Variants in ATL1 observed in about 807,000 individuals in gnomAD.
The protein encoded by ATL1 is atlastin-1.
In ATL1, 31 loss-of-function variants were observed where a neutral mutation model predicts 75.5. The observed-to-expected ratio is 0.41, with a 90% CI of 0.31 to 0.55. ATL1 has a LOEUF of 0.55. Among genes scored for constraint, ATL1 ranks in the 20% least tolerant of loss-of-function variants. ATL1 has a pLI of 0.27. For missense variants in ATL1, 405 were observed against 662.6 expected, an observed-to-expected ratio of 0.61 and a Z score of 4.27; for synonymous variants, 226 against 233.3, an observed-to-expected ratio of 0.97 and a Z score of 0.28.
intron 6 of ATL1, among the ~76,000 whole-genome samples, chr14:50,601,269 C>CTTTAAA (rs2039269528): frequency 6.6e-6 from 1 of 151,956 alleles, no homozygotes; most frequent in East Asian, 1.9e-4. Context: ...AACATATTAA[C>CTTTAAA]TTGATTCTTT....
intron 7 of ATL1, among the ~76,000 whole-genome samples, 153 bp from the exon 8 acceptor site, chr14:50,614,220 C>T (rs577600870): frequency 3.9e-5 from 6 of 152,292 alleles, no homozygotes; most frequent in African/African-American, 1.4e-4. Context: ...TGGGCAAACC[C>T]ACCCAAGACT....
chr14:50,602,758 A>G (rs1051307440), intron 6 of ATL1, among the ~76,000 whole-genome samples: 2 of 152,066 alleles, frequency 1.3e-5, no homozygotes, highest in African/African-American at 2.4e-5. Context: ...GTAGTTGGGA[A>G]TTTTAGCAGG....
rs1273620515 is a variant in ATL1 at position 50,574,992 on chromosome 14, A to G, written c.35-12839A>G. ...ATATATATATTAGCTTTTACTAGTT[A>G]TGATAGCCAAAAAGACTATCTCTTT... On this transcript the variant is annotated intron_variant, in intron 1 of 13. Transcript: ENST00000358385. Among the ~76,000 whole-genome samples the G allele has an allele frequency of 6.6e-5, 8 of 122,062 alleles. No individual in the cohort carries two copies. In the Admixed American group the frequency reaches 7.0e-4, roughly 11 times the overall value. 80.1% of individuals were successfully genotyped at this position (122,062 alleles called of 152,430 possible).
At chr14:50,553,164 T>C (rs1175688538) in intron 1 of ATL1, among the ~76,000 whole-genome samples, 1 of 151,118 alleles carries the variant, frequency 6.6e-6, no homozygotes, top group Admixed American at 6.6e-5. Context: ...TGCATGGTGG[T>C]GTGTGCCTGT....
At chr14:50,547,177 CAGTT>C (rs2038644544) in intron 1 of ATL1, among the ~76,000 whole-genome samples, 4 of 152,156 alleles carry the variant, frequency 2.6e-5, no homozygotes, top group Admixed American at 2.6e-4. Context: ...TCTAATATCT[CAGTT>C]CTCATGAGTC....
chr14:50,600,103 A>T (rs540040007), intron 6 of ATL1, among the ~76,000 whole-genome samples: 1 of 151,748 alleles, frequency 6.6e-6, no homozygotes, highest in Non-Finnish European at 1.5e-5. Flanking sequence ...AGAGTAGGGA[A>T]CTCCATTGTA....
In ATL1 at chr14:50,614,528, G is replaced by T. The variant is rs750572334; in HGVS notation, c.862+17G>T. On this transcript the variant is annotated intron_variant, in intron 8 of 13. Coordinates refer to ENST00000358385, the MANE Select transcript of ATL1 (RefSeq NM_015915.5). ...AATTGAAAGGTTTGTGTCTTTTAATGAATATGTTTGCATCACTTAGTCTGA... is the reference window on the plus strand; with the variant it reads ...AATTGAAAGGTTTGTGTCTTTTAATTAATATGTTTGCATCACTTAGTCTGA... 2.5e-6 allele frequency: 4 copies of T among 1,612,348 alleles called. No individual in the cohort carries two copies. In the Admixed American group the frequency reaches 5.0e-5, roughly 20 times the overall value.
At chr14:50,572,943 G>A (rs1415298333) in intron 1 of ATL1, among the ~76,000 whole-genome samples, 1 of 152,156 alleles carries the variant, frequency 6.6e-6, no homozygotes, top group Middle Eastern at 3.4e-3. Context: ...TACAATCATG[G>A]CATAAGGGGA....
At chr14:50,566,367 T>C (rs1040594662) in intron 1 of ATL1, among the ~76,000 whole-genome samples, 2 of 152,140 alleles carry the variant, frequency 1.3e-5, no homozygotes, top group African/African-American at 4.8e-5. Context: ...ATTCTCTTGA[T>C]AATTTTTACA....
At chr14:50,533,313 G>C (rs2038445839) in exon 1 of ATL1, 1 of 151,954 alleles carries the variant, frequency 6.6e-6, no homozygotes, top group African/African-American at 2.4e-5. Context: ...TGTGCTCTGG[G>C]ACAAAACAGC....
chr14:50,582,882 A>G (rs2039069983), intron 1 of ATL1, among the ~76,000 whole-genome samples: 1 of 152,198 alleles, frequency 6.6e-6, no homozygotes, highest in South Asian at 2.1e-4. Context: ...CTATACCCTG[A>G]GACTATTAGG....
chr14:50,560,582 A>G, intron 1 of ATL1: 1 of 485,786 alleles, frequency 2.1e-6, no homozygotes, highest in African/African-American at 2.0e-5. Flanking sequence ...GCATTTGGAC[A>G]GCACCCACCA....
chr14:50,627,243 A>G (rs1226124211), intron 11 of ATL1, among the ~76,000 whole-genome samples: 1 of 152,226 alleles, frequency 6.6e-6, no homozygotes, highest in African/African-American at 2.4e-5. Flanking sequence ...TTTTTGCAAT[A>G]AAGTGTTCTT....
In ATL1 at chr14:50,628,351, A is replaced by G; in HGVS notation, c.1440A>G (p.Ile480Met). The part of the protein sequence containing the change: ...LDIIASLCNM[I>M]MGLTLITLCT... Reference sequence around the variant, plus strand: ...TCATAGCTAGCCTATGCAATATGATAATGGGACTGACCCTTATCACCCTGT... The same window carrying G: ...TCATAGCTAGCCTATGCAATATGATGATGGGACTGACCCTTATCACCCTGT... The change falls in exon 12 of 14, where the codon ATA (isoleucine) becomes ATG (methionine). Residue 480 changes from isoleucine to methionine, a missense_variant. By Grantham distance (10) the Ile-to-Met change is conservative. Transcript: ENST00000358385. The G allele has an allele frequency of 6.2e-7, 1 of 1,614,188 alleles. No homozygotes were observed. The highest frequency in any genetic ancestry group is 8.5e-7 in the Non-Finnish European group (1 of 1,180,030).
intron 8 of ATL1, among the ~76,000 whole-genome samples, chr14:50,616,820 G>A (rs989080934): frequency 1.3e-5 from 2 of 152,142 alleles, no homozygotes; most frequent in Non-Finnish European, 2.9e-5. Flanking sequence ...CCTCTTTTGT[G>A]CAGAAATATC....
At chr14:50,575,349 T>C (rs2038995916) in intron 1 of ATL1, among the ~76,000 whole-genome samples, 1 of 152,166 alleles carries the variant, frequency 6.6e-6, no homozygotes, top group African/African-American at 2.4e-5. Flanking sequence ...AACCCTCTTC[T>C]TCAAGGCTAT....
chr14:50,562,617 C>T (rs1246327676), intron 1 of ATL1, among the ~76,000 whole-genome samples: 1 of 151,964 alleles, frequency 6.6e-6, no homozygotes, highest in Non-Finnish European at 1.5e-5. Context: ...GATAGTTTAC[C>T]CAGAAGTCAT....
chr14:50,565,130 T>A (rs928190971), intron 1 of ATL1, among the ~76,000 whole-genome samples: 3 of 151,206 alleles, frequency 2.0e-5, no homozygotes, highest in African/African-American at 7.3e-5. Context: ...CTACTAAAAA[T>A]GTAAAAAAAA....
chr14:50,578,565 A>G (rs1003395893), intron 1 of ATL1, among the ~76,000 whole-genome samples: 1 of 152,102 alleles, frequency 6.6e-6, no homozygotes, highest in Non-Finnish European at 1.5e-5. Flanking sequence ...ACTACTTGCT[A>G]TTCTTAAACA....
Sources: gnomAD v4.1 joint callset for allele counts (sites outside exome capture counted in the v4.1 genomes callset) on GRCh38, gnomAD v4.1.1 for gene constraint, MANE v1.5 for transcripts, NCBI Gene and HGNC (gene_info 2026-07-23, HGNC 2026-07-21) for gene names.